Variants in PTPRK observed in about 807,000 individuals in gnomAD.
PTPRK encodes protein tyrosine phosphatase receptor type K.
PTPRK carries 75 observed loss-of-function variants against 178.0 expected under a neutral mutation model. The observed-to-expected ratio is 0.42, with a 90% CI of 0.35 to 0.51. PTPRK has a LOEUF of 0.51. Among genes scored for constraint, PTPRK ranks in the 20% least tolerant of loss-of-function variants. The pLI is 0.02. For missense variants in PTPRK, 1,441 were observed against 1,797.8 expected (o/e 0.80, Z 3.59); for synonymous variants, 637 against 620.6 (o/e 1.03, Z -0.39).
At chr6:128,139,357 T>C (rs1292706588) in intron 7 of PTPRK, among the ~76,000 whole-genome samples, 1 of 152,004 alleles carries the variant, frequency 6.6e-6, no homozygotes, top group East Asian at 1.9e-4. Flanking sequence ...GTAAAAGCTA[T>C]CTCAGACATT....
chr6:128,235,710 A>G (rs1487968343), intron 5 of PTPRK: 1 of 385,674 alleles, frequency 2.6e-6, no homozygotes, highest in East Asian at 9.5e-5. Flanking sequence ...TTAGTCATCG[A>G]CATTGTGTGT....
intron 3 of PTPRK, among the ~76,000 whole-genome samples, chr6:128,278,266 C>T (rs1188606744): frequency 1.3e-5 from 2 of 151,978 alleles, no homozygotes; most frequent in African/African-American, 4.8e-5. Flanking sequence ...ATGCGATTCT[C>T]CTGCCTCAGC....
At chr6:128,045,153 T>C (rs1016784742) in intron 13 of PTPRK, among the ~76,000 whole-genome samples, 3 of 152,064 alleles carry the variant, frequency 2.0e-5, no homozygotes, top group African/African-American at 7.2e-5. Context: ...TCTTGAAAAC[T>C]TCCTATCTCT....
chr6:128,350,772 T>A (rs937904529), intron 2 of PTPRK, among the ~76,000 whole-genome samples: 1 of 152,186 alleles, frequency 6.6e-6, no homozygotes, highest in Non-Finnish European at 1.5e-5. Flanking sequence ...AAATGAAAAG[T>A]TATCACCAAG....
chr6:127,991,248 A>C (rs1167741703), intron 20 of PTPRK, 46 bp downstream of exon 20: 2 of 1,448,326 alleles, frequency 1.4e-6, no homozygotes, highest in Non-Finnish European at 1.9e-6. Flanking sequence ...TTGCTTCTCA[A>C]CTATGTTCAT....
intron 13 of PTPRK, among the ~76,000 whole-genome samples, chr6:128,052,687 C>G (rs769545926): frequency 6.6e-6 from 1 of 152,196 alleles, no homozygotes; most frequent in Non-Finnish European, 1.5e-5. Context: ...CTGCTAGGCT[C>G]TTCCAATGTG....
intron 7 of PTPRK, among the ~76,000 whole-genome samples, chr6:128,144,872 T>C (rs1190808702): frequency 6.6e-6 from 1 of 152,158 alleles, no homozygotes; most frequent in African/African-American, 2.4e-5. Context: ...TATAGTTTCA[T>C]AAATATCCAT....
chr6:128,378,169 G>A (rs1837368941), intron 2 of PTPRK, among the ~76,000 whole-genome samples: 1 of 151,984 alleles, frequency 6.6e-6, no homozygotes. Context: ...TTACATTTAT[G>A]AACTAGAAAA....
At chr6:128,346,903 G>C (rs1017710809) in intron 2 of PTPRK, among the ~76,000 whole-genome samples, 1 of 152,104 alleles carries the variant, frequency 6.6e-6, no homozygotes, top group African/African-American at 2.4e-5. Flanking sequence ...AAATAGGAAA[G>C]GAATGAAAAC....
intron 6 of PTPRK, among the ~76,000 whole-genome samples, chr6:128,192,381 A>G: frequency 6.6e-6 from 1 of 152,100 alleles, no homozygotes; most frequent in Non-Finnish European, 1.5e-5. Context: ...TTTTCAATAC[A>G]ATTTGTTAGG....
chr6:128,435,357 A>G (rs1845459576), intron 1 of PTPRK, among the ~76,000 whole-genome samples: 1 of 152,240 alleles, frequency 6.6e-6, no homozygotes, highest in East Asian at 1.9e-4. Flanking sequence ...TTGTAAGTCA[A>G]ATGAATGTGT....
intron 1 of PTPRK, chr6:128,409,340 T>C: frequency 2.2e-6 from 1 of 454,972 alleles, no homozygotes; most frequent in Non-Finnish European, 4.4e-6. Context: ...TTTCTGAAGA[T>C]AAAATCAGAA....
intron 5 of PTPRK, chr6:128,235,299 A>AAAAG (rs1813040304): frequency 1.3e-5 from 2 of 152,538 alleles, no homozygotes; most frequent in African/African-American, 4.8e-5. Context: ...TCAAAATTTA[A>AAAAG]AAATAACCAA....
intron 3 of PTPRK, among the ~76,000 whole-genome samples, chr6:128,313,051 C>T (rs1158605038): frequency 6.6e-6 from 1 of 152,006 alleles, no homozygotes; most frequent in Non-Finnish European, 1.5e-5. Context: ...AATCAGCAAG[C>T]CAATTTTCTT....
intron 1 of PTPRK, among the ~76,000 whole-genome samples, chr6:128,441,842 G>A (rs1250676018): frequency 6.6e-6 from 1 of 152,198 alleles, no homozygotes; most frequent in Non-Finnish European, 1.5e-5. Flanking sequence ...CAAATGGTCT[G>A]TACTATCATT....
At chr6:128,347,724 T>C (rs954928195) in intron 2 of PTPRK, among the ~76,000 whole-genome samples, 12 of 152,066 alleles carry the variant, frequency 7.9e-5, no homozygotes, top group Non-Finnish European at 1.8e-4. Flanking sequence ...AAGAGAGAAA[T>C]ACATTAATAT....
At chr6:128,487,086 C>T (rs1251078968) in intron 1 of PTPRK, among the ~76,000 whole-genome samples, 1 of 148,318 alleles carries the variant, frequency 6.7e-6, no homozygotes, top group Non-Finnish European at 1.5e-5. Context: ...TGGCAGAGTA[C>T]CTCCAGTTCC....
At chr6:128,222,152 T>C (rs1810530253) in intron 5 of PTPRK, among the ~76,000 whole-genome samples, 1 of 152,182 alleles carries the variant, frequency 6.6e-6, no homozygotes, top group Non-Finnish European at 1.5e-5. Flanking sequence ...CCACACCCAC[T>C]CAAGTCTTCT....
At chr6:128,431,969 A>AAAGG (rs142002214) in intron 1 of PTPRK, among the ~76,000 whole-genome samples, 2,361 of 152,078 alleles carry the variant, frequency 0.016, 38 homozygotes, top group Non-Finnish European at 0.018. Context: ...CCCAATGCAA[A>AAAGG]AAGGAAGGAA....
Sources: gnomAD v4.1 joint callset for allele counts (sites outside exome capture counted in the v4.1 genomes callset) on GRCh38, gnomAD v4.1.1 for gene constraint, MANE v1.5 for transcripts, NCBI Gene and HGNC (gene_info 2026-07-23, HGNC 2026-07-21) for gene names.